The following MAPKAPK2 variants were observed in gnomAD, a reference collection of about 807,000 sequenced individuals.
MAPKAPK2 encodes the protein MAP kinase-activated protein kinase 2.
MAPKAPK2 carries 9 observed loss-of-function variants against 48.8 expected under a neutral mutation model. The observed-to-expected ratio is 0.18, with a 90% CI of 0.11 to 0.32. MAPKAPK2 has a LOEUF of 0.32. MAPKAPK2 is among the 10% of genes least tolerant of loss of function. The probability of loss-of-function intolerance (pLI) is 1.00; values close to 1 mark genes in which losing one functional copy is unlikely to be tolerated. For synonymous variants in MAPKAPK2, 202 were observed against 190.6 expected, an observed-to-expected ratio of 1.06 and a Z score of -0.49; for missense variants, 331 against 498.3, an observed-to-expected ratio of 0.66 and a Z score of 3.20.
rs1384253861 is a variant in MAPKAPK2 at position 206,731,387 on chromosome 1, C to A, written c.892+125C>A. 23 of 1,509,768 alleles carry A rather than the reference C, an allele frequency of 1.5e-5. No individual in the cohort carries two copies. The highest frequency in any genetic ancestry group is 2.0e-5 in the Non-Finnish European group (22 of 1,119,656). 93.5% of individuals were successfully genotyped at this position (1,509,768 alleles called of 1,614,324 possible). A position where few individuals can be genotyped will look rare whatever the true frequency, so the allele number is the denominator to read the frequency against. On this transcript the variant is annotated intron_variant, in intron 7 of 9. Coordinates refer to ENST00000367103, the MANE Select transcript of MAPKAPK2 (RefSeq NM_032960.4). The surrounding 1 kb of genome is among the most constrained non-coding windows in gnomAD (Gnocchi z 5.9). ...TGCGTGGTGTAACTGTGGGTTAGCA[C>A]CTATGCCCACGCCTGCGGGGTGCGT...
In MAPKAPK2 at chr1:206,701,685, T is replaced by G. The variant is rs540446199; in HGVS notation, c.279+16177T>G. Among the ~76,000 whole-genome samples, 68 of 151,724 alleles carry G rather than the reference T, an allele frequency of 4.5e-4. 1 individual carries two copies. The highest frequency in any genetic ancestry group is 1.6e-3 in the African/African-American group (65 of 41,346). ...ACTGTCTCTACAAAAAATACAAAAA[T>G]TAGCCTGGCGTGGTGGCGTACACAC... On this transcript the variant is annotated intron_variant, in intron 1 of 9. Coordinates refer to ENST00000367103, the MANE Select transcript of MAPKAPK2 (RefSeq NM_032960.4).
intron 1 of MAPKAPK2, among the ~76,000 whole-genome samples, chr1:206,709,466 C>T (rs1223928122): frequency 6.6e-6 from 1 of 152,156 alleles, no homozygotes; most frequent in Non-Finnish European, 1.5e-5. Context: ...CTGTCTTGAG[C>T]TAGGTACTTG....
At chr1:206,694,927 G>T (rs1231425678) in intron 1 of MAPKAPK2, among the ~76,000 whole-genome samples, 1 of 152,196 alleles carries the variant, frequency 6.6e-6, no homozygotes, top group Non-Finnish European at 1.5e-5. Flanking sequence ...AAACACTTGC[G>T]CTTGCAGACA....
intron 1 of MAPKAPK2, among the ~76,000 whole-genome samples, chr1:206,717,318 T>C (rs538617809): frequency 6.6e-6 from 1 of 152,254 alleles, no homozygotes; most frequent in African/African-American, 2.4e-5. Context: ...TATAGCAATA[T>C]TTGCTATATA....
At position 206,696,423 on chromosome 1, in the gene MAPKAPK2, G is replaced by A. The variant is rs570888576; in HGVS notation, c.279+10915G>A. Among the ~76,000 whole-genome samples the A allele has an allele frequency of 5.9e-5, 9 of 152,240 alleles. No homozygotes were observed. In the South Asian group the frequency reaches 1.9e-3, roughly 32 times the overall value. On this transcript the variant is annotated intron_variant, in intron 1 of 9. Coordinates refer to ENST00000367103, the MANE Select transcript of MAPKAPK2 (RefSeq NM_032960.4). ...CGTATGTCCTCATTAAAAAACTCAGGCCAGGCATGGTGGCTCACGCCTGTA... is the reference window on the plus strand; with the variant it reads ...CGTATGTCCTCATTAAAAAACTCAGACCAGGCATGGTGGCTCACGCCTGTA...
In MAPKAPK2 at chr1:206,731,120, T is replaced by G; in HGVS notation, c.768-18T>G. On this transcript the variant is annotated intron_variant, in intron 6 of 9. Transcript: ENST00000367103. This position sits in a 1 kb window ranked among gnomAD's most constrained non-coding sequence, Gnocchi z 5.9. ...GACAGCTGTTCTGTCTCCCACTTCCTTCCTCCTGTTGATGCAGGCTGTGTG... is the reference window on the plus strand; with the variant it reads ...GACAGCTGTTCTGTCTCCCACTTCCGTCCTCCTGTTGATGCAGGCTGTGTG... 2 of 1,614,176 alleles carry G rather than the reference T, an allele frequency of 1.2e-6. No homozygotes were observed. Among genetic ancestry groups the G allele is most frequent in the South Asian group, 2.2e-5 (2 of 91,078 alleles).
chr1:206,720,256 A>G (rs1673474127), intron 1 of MAPKAPK2, among the ~76,000 whole-genome samples: 1 of 152,276 alleles, frequency 6.6e-6, no homozygotes, highest in African/African-American at 2.4e-5. Context: ...TAAATCACCT[A>G]GAAAATACAG....
At chr1:206,685,627 G>A (rs1376352243) in intron 1 of MAPKAPK2, 119 bp downstream of exon 1, 4 of 742,338 alleles carry the variant, frequency 5.4e-6, no homozygotes, top group Non-Finnish European at 6.6e-6. Context: ...CCGCGGCGGG[G>A]CGGGGCGGGG....
chr1:206,685,618 C>G, intron 1 of MAPKAPK2, 110 bp downstream of exon 1: 1 of 864,392 alleles, frequency 1.2e-6, no homozygotes, highest in Non-Finnish European at 1.4e-6. Flanking sequence ...GAGGGGTGGC[C>G]GCGGCGGGGC....
rs573819814 is a variant in MAPKAPK2 at position 206,701,695 on chromosome 1, G to A, written c.279+16187G>A. Among the ~76,000 whole-genome samples the A allele has an allele frequency of 5.9e-4, 89 of 151,942 alleles. 1 individual carries two copies. Among genetic ancestry groups the A allele is most frequent in the African/African-American group, 1.6e-3 (67 of 41,456 alleles). On this transcript the variant is annotated intron_variant, in intron 1 of 9. Transcript: ENST00000367103. ...CAAAAAATACAAAAATTAGCCTGGC[G>A]TGGTGGCGTACACACATGGTTCGAT... is the stretch of plus-strand genomic sequence containing the variant.
At chr1:206,713,274 G>T (rs782666531) in intron 1 of MAPKAPK2, among the ~76,000 whole-genome samples, 9 of 152,166 alleles carry the variant, frequency 5.9e-5, no homozygotes, top group Non-Finnish European at 1.0e-4. Context: ...GGTCAGAGAG[G>T]CTTCACAGAG....
intron 1 of MAPKAPK2, among the ~76,000 whole-genome samples, chr1:206,707,968 A>G (rs114816070): frequency 6.6e-6 from 1 of 152,348 alleles, no homozygotes; most frequent in African/African-American, 2.4e-5. Context: ...AATGCTGTGA[A>G]GAATAGACTG....
chr1:206,685,467 C>T lies in MAPKAPK2; in HGVS notation c.238C>T (p.Gln80Ter). ...LGLGINGKVL[Q>*]IFNKRTQEKF... ...GCTGGGCATCAACGGCAAAGTTTTG[C>T]AGATCTTCAACAAGAGGACCCAGGA... is the stretch of plus-strand genomic sequence containing the variant. The change falls in exon 1 of 10, where the codon CAG becomes TAG. Residue 80 changes from glutamine to a stop codon, truncating the protein, a stop_gained. Transcript: ENST00000367103. LOFTEE classifies it high-confidence loss of function. 6.5e-7 allele frequency: 1 copy of T among 1,539,244 alleles called. No homozygotes were observed. Among genetic ancestry groups the T allele is most frequent in the Non-Finnish European group, 8.8e-7 (1 of 1,138,624 alleles).
At chr1:206,693,068 G>A (rs909476890) in intron 1 of MAPKAPK2, among the ~76,000 whole-genome samples, 7 of 152,144 alleles carry the variant, frequency 4.6e-5, no homozygotes, top group East Asian at 1.9e-4. Context: ...GTCCTCCGGC[G>A]GGGCTCCTTA....
chr1:206,705,256 GA>G (rs1195088117), intron 1 of MAPKAPK2, among the ~76,000 whole-genome samples: 1 of 152,180 alleles, frequency 6.6e-6, no homozygotes, highest in African/African-American at 2.4e-5. Context: ...TGTGGCAGAG[GA>G]GGGGCCCCGG....
intron 1 of MAPKAPK2, among the ~76,000 whole-genome samples, chr1:206,715,868 T>C (rs1270282712): frequency 6.6e-6 from 1 of 151,926 alleles, no homozygotes; most frequent in East Asian, 1.9e-4. Context: ...TTCTCCTTTT[T>C]GTATCCTCTT....
At position 206,704,903 on chromosome 1, in the gene MAPKAPK2, A is replaced by G. The variant is rs1010945621; in HGVS notation, c.279+19395A>G. On this transcript the variant is annotated intron_variant, in intron 1 of 9. Coordinates refer to ENST00000367103, the MANE Select transcript of MAPKAPK2 (RefSeq NM_032960.4). This position sits in a 1 kb window ranked among gnomAD's most constrained non-coding sequence, Gnocchi z 4.3. ...GAAGAAGGAGCCGCCCGTTTCTCCA[A>G]GTGCAGCGCCAGTCCCGAGACACTC... Among the ~76,000 whole-genome samples, 7 of 152,226 alleles carry G rather than the reference A, an allele frequency of 4.6e-5. No individual in the cohort carries two copies. Among genetic ancestry groups the G allele is most frequent in the African/African-American group, 1.7e-4 (7 of 41,444 alleles).
In MAPKAPK2 at chr1:206,730,066, T is replaced by A; in HGVS notation, c.659T>A (p.Leu220Ter). The A allele has an allele frequency of 6.2e-7, 1 of 1,614,270 alleles. No individual in the cohort carries two copies. The highest frequency in any genetic ancestry group is 8.5e-7 in the Non-Finnish European group (1 of 1,180,048). The change falls in exon 5 of 10, where the codon TTG becomes TAG. Residue 220 changes from leucine (L) to a stop codon, truncating the protein, a stop_gained. Transcript: ENST00000367103. LOFTEE classifies it high-confidence loss of function. ...AAGGAAACCACCAGCCACAACTCTT[T>A]GACCACTCCTTGTTATACACCGTAC... Reference protein sequence around the residue: ...FAKETTSHNSLTTPCYTPYYV... With the variant: ...FAKETTSHNS
At chr1:206,725,288 G>A (rs973009914) in intron 1 of MAPKAPK2, among the ~76,000 whole-genome samples, 3 of 152,158 alleles carry the variant, frequency 2.0e-5, no homozygotes, top group African/African-American at 7.2e-5. Flanking sequence ...TTGGATCTTG[G>A]TGCATCCTCA....
Sources: gnomAD v4.1 joint callset for allele counts (sites outside exome capture counted in the v4.1 genomes callset) on GRCh38, gnomAD v4.1.1 for gene constraint, Gnocchi (gnomAD v3.1) non-coding constraint, MANE v1.5 for transcripts, NCBI Gene and HGNC (gene_info 2026-07-23, HGNC 2026-07-21) for gene names.